Variants in DNAH6 observed in about 807,000 individuals in gnomAD.
DNAH6 encodes dynein axonemal heavy chain 6.
Under a neutral mutation model 491.4 loss-of-function variants are expected in DNAH6, and 340 were observed. The observed-to-expected ratio is 0.69, with a 90% CI of 0.63 to 0.76. The LOEUF (loss-of-function observed/expected upper bound fraction) is 0.76, where lower values mean the gene tolerates loss of function less well. DNAH6 is among the 30% of genes least tolerant of loss of function. The pLI is 0.00. For synonymous variants in DNAH6, 1,603 were observed against 1,686.1 expected, an observed-to-expected ratio of 0.95 and a Z score of 1.21; for missense variants, 4,443 against 4,972.2, an observed-to-expected ratio of 0.89 and a Z score of 3.20.
At chr2:84,795,264 A>G (rs1278973548) in intron 68 of DNAH6, among the ~76,000 whole-genome samples, 3 of 151,954 alleles carry the variant, frequency 2.0e-5, no homozygotes, top group Non-Finnish European at 4.4e-5. Flanking sequence ...ACATGTATCC[A>G]TATGTAACTA....
At chr2:84,593,354 A>G (rs1684285627) in intron 16 of DNAH6, among the ~76,000 whole-genome samples, 1 of 152,196 alleles carries the variant, frequency 6.6e-6, no homozygotes, top group Non-Finnish European at 1.5e-5. Flanking sequence ...ATGTCAAAGC[A>G]CAAGAATTTC....
intron 68 of DNAH6, 89 bp from the exon 69 acceptor site, chr2:84,796,217 G>A (rs1477261430): frequency 3.6e-6 from 3 of 836,732 alleles, no homozygotes; most frequent in Non-Finnish European, 5.3e-6. Context: ...ATAAATGTGT[G>A]TATAAATAAA....
At chr2:84,574,458 A>G (rs894278619) in intron 12 of DNAH6, among the ~76,000 whole-genome samples, 1 of 152,178 alleles carries the variant, frequency 6.6e-6, no homozygotes, top group Admixed American at 6.5e-5. Flanking sequence ...AAATTCCTCA[A>G]GTAAAGCAGC....
Position 84,573,523 on chromosome 2 carries a change from G to A in DNAH6, c.1860G>A (p.Lys620=). The part of the protein sequence containing the change: ...SARIYAATFE[K]FQIFFKENES... ...GCATCTATGCAGCTACCTTTGAAAAGTTCCAGATATTCTTCAAGGAAAATG... is the reference window on the plus strand; with the variant it reads ...GCATCTATGCAGCTACCTTTGAAAAATTCCAGATATTCTTCAAGGAAAATG... Residue 620 remains lysine, a synonymous_variant, in exon 12 of 77, where the codon AAG becomes AAA. Transcript: ENST00000389394. 6.3e-7 allele frequency: 1 copy of A among 1,590,880 alleles called. No individual in the cohort carries two copies. The highest frequency in any genetic ancestry group is 1.7e-4 in the Middle Eastern group (1 of 6,000).
chr2:84,470,869 C>T, the DNAH6 span, among the ~76,000 whole-genome samples: 25 of 152,196 alleles, frequency 1.6e-4, no homozygotes, highest in African/African-American at 4.1e-4. Context: ...AGGGGGCCAT[C>T]GCAATTGTGG....
At chr2:84,727,556 TCATCTCC>T (rs1277644316) in intron 60 of DNAH6, 106 bp from the exon 61 acceptor site, 1 of 660,352 alleles carries the variant, frequency 1.5e-6, no homozygotes, top group Non-Finnish European at 2.7e-6. Context: ...CTTACTGTAT[TCATCTCC>T]CATGCTGCCA....
intron 11 of DNAH6, among the ~76,000 whole-genome samples, chr2:84,564,511 A>G (rs887800043): frequency 6.6e-6 from 1 of 152,158 alleles, no homozygotes; most frequent in Non-Finnish European, 1.5e-5. Context: ...GTGTATAGAA[A>G]TGCTACTGAT....
chr2:84,624,213 A>G (rs780597394), intron 26 of DNAH6, 52 bp from the exon 27 acceptor site: 386 of 1,456,438 alleles, frequency 2.7e-4, no homozygotes, highest in Non-Finnish European at 3.5e-4. Context: ...GATAATGTAT[A>G]TATGTAAGCT....
At chr2:84,592,534 G>T (rs907041443) in intron 16 of DNAH6, among the ~76,000 whole-genome samples, 4 of 152,140 alleles carry the variant, frequency 2.6e-5, no homozygotes, top group African/African-American at 7.2e-5. Flanking sequence ...ACAGCATGGT[G>T]GTTCCTCAAA....
At chr2:84,669,222 G>A (rs1257456392) in intron 37 of DNAH6, 67 bp from the exon 38 acceptor site, 3 of 1,220,342 alleles carry the variant, frequency 2.5e-6, no homozygotes, top group Non-Finnish European at 3.5e-6. Flanking sequence ...CTATGTGAGT[G>A]TATCTACTAC....
At position 84,548,331 on chromosome 2, in the gene DNAH6, A is replaced by T. The variant is rs1678994698; in HGVS notation, c.1230A>T (p.Pro410=). Residue 410 remains proline, a synonymous_variant, in exon 8 of 77, where the codon CCA becomes CCT. Transcript: ENST00000389394. ...VQSSGSFINT[P]HELPTYGDSE... is the part of the protein sequence containing the mutation. ...GCAGTGGAAGTTTCATTAATACACC[A>T]CATGAGTTGCCCACTTATGGAGACT... 2 of 1,613,856 alleles carry T rather than the reference A, an allele frequency of 1.2e-6. No homozygotes were observed. The highest frequency in any genetic ancestry group is 8.5e-7 in the Non-Finnish European group (1 of 1,179,810).
chr2:84,666,812 C>T (rs1278053768), intron 37 of DNAH6, among the ~76,000 whole-genome samples: 2 of 152,158 alleles, frequency 1.3e-5, no homozygotes, highest in Non-Finnish European at 2.9e-5. Flanking sequence ...GCCAAAGGAA[C>T]AAAGCTGGAG....
chr2:84,796,641 A>C (rs1678379492), intron 69 of DNAH6, among the ~76,000 whole-genome samples: 1 of 152,150 alleles, frequency 6.6e-6, no homozygotes, highest in Non-Finnish European at 1.5e-5. Flanking sequence ...TTCGATTTTA[A>C]AGCTTATTGC....
chr2:84,702,335 A>G (rs1192223267), intron 49 of DNAH6, among the ~76,000 whole-genome samples: 2 of 152,218 alleles, frequency 1.3e-5, no homozygotes, highest in African/African-American at 4.8e-5. Flanking sequence ...TCTGACACAT[A>G]TAAAGTGCTC....
chr2:84,773,560 G>A (rs1386920895), intron 64 of DNAH6, among the ~76,000 whole-genome samples: 7 of 151,956 alleles, frequency 4.6e-5, no homozygotes, highest in East Asian at 3.8e-4. Flanking sequence ...TAGAACAATT[G>A]ATTTTCTTTT....
chr2:84,562,593 A>G (rs1680788507), intron 11 of DNAH6, among the ~76,000 whole-genome samples: 1 of 152,186 alleles, frequency 6.6e-6, no homozygotes, highest in South Asian at 2.1e-4. Flanking sequence ...GACTCAGTGT[A>G]TAATTTTACT....
chr2:84,653,537 T>G lies in DNAH6; in HGVS notation c.5297T>G (p.Leu1766Arg). Residue 1766 changes from leucine (L) to arginine (R), a missense_variant, in exon 34 of 77, where the codon CTA becomes CGA. Leu to Arg is a moderately radical substitution (Grantham distance 102, BLOSUM62 -2). Coordinates refer to ENST00000389394, the MANE Select transcript of DNAH6 (RefSeq NM_001370.2). Reference sequence around the variant, plus strand: ...GGCAAGACCACAGTTTACCGAATACTAGCAGAAACTTTAGGGAATTTACAA... The same window carrying G: ...GGCAAGACCACAGTTTACCGAATACGAGCAGAAACTTTAGGGAATTTACAA... ...GGGKTTVYRI[L>R]AETLGNLQKL... 1.3e-6 allele frequency: 2 copies of G among 1,551,350 alleles called. No homozygotes were observed. The highest frequency in any genetic ancestry group is 2.4e-5 in the South Asian group (2 of 84,054).
chr2:84,751,695 A>G (rs1390852599), intron 63 of DNAH6, among the ~76,000 whole-genome samples: 2 of 152,262 alleles, frequency 1.3e-5, no homozygotes, highest in Non-Finnish European at 2.9e-5. Flanking sequence ...CTTGATAGAG[A>G]ATAATTCATC....
intron 56 of DNAH6, among the ~76,000 whole-genome samples, chr2:84,711,389 T>C (rs940905292): frequency 1.1e-4 from 16 of 152,016 alleles, no homozygotes; most frequent in Admixed American, 2.6e-4. Context: ...GTGAGTTGAG[T>C]CTCAGTTTAA....
Sources: gnomAD v4.1 joint callset for allele counts (sites outside exome capture counted in the v4.1 genomes callset) on GRCh38, gnomAD v4.1.1 for gene constraint, MANE v1.5 for transcripts, NCBI Gene and HGNC (gene_info 2026-07-23, HGNC 2026-07-21) for gene names.